LRP1B: variants seen among roughly 807,000 people sequenced by gnomAD.
LRP1B encodes the protein LDL receptor related protein 1B, also known as low-density lipoprotein receptor-related protein 1B.
Under a neutral mutation model 556.6 loss-of-function variants are expected in LRP1B, and 217 were observed. The observed-to-expected ratio is 0.39, with a 90% CI of 0.35 to 0.44. The LOEUF is 0.44. LRP1B is among the 20% of genes least tolerant of loss of function. The probability of loss-of-function intolerance (pLI) is 1.00; values close to 1 mark genes in which losing one functional copy is unlikely to be tolerated. For missense variants in LRP1B, 5,053 were observed against 5,620.8 expected, an observed-to-expected ratio of 0.90 and a Z score of 3.23; for synonymous variants, 2,047 against 1,865.8, an observed-to-expected ratio of 1.10 and a Z score of -2.50.
chr2:141,474,282 C>G (rs939966677), intron 3 of LRP1B, among the ~76,000 whole-genome samples: 6 of 152,000 alleles, frequency 3.9e-5, no homozygotes, highest in African/African-American at 1.4e-4. Context: ...ATTTGGAATA[C>G]ATATAAGATT....
chr2:141,976,621 T>C (rs1051141214), intron 1 of LRP1B, among the ~76,000 whole-genome samples: 1 of 152,110 alleles, frequency 6.6e-6, no homozygotes, highest in Admixed American at 6.6e-5. Context: ...GTTAAGAATA[T>C]AGTGATTCCC....
chr2:141,114,331 G>C (rs964403742), intron 7 of LRP1B, among the ~76,000 whole-genome samples: 3 of 152,310 alleles, frequency 2.0e-5, no homozygotes, highest in African/African-American at 7.2e-5. Flanking sequence ...TGCTCTCTTG[G>C]TACCCAGGTC....
rs375143915 is a variant in LRP1B, at chr2:140,804,283, A to G, written c.5359+9374T>C. Among the ~76,000 whole-genome samples the G allele has an allele frequency of 2.2e-4, 33 of 152,300 alleles. No individual in the cohort carries two copies. The East Asian group carries it at 5.0e-3, about 23-fold the overall frequency. ...GTTTCAGGATAACAAGATTAAATGC[A>G]TCAATCCCAGAACCTGTCATTTGCC... On this transcript the variant is annotated intron_variant, in intron 32 of 90. Transcript: ENST00000389484.
intron 29 of LRP1B, among the ~76,000 whole-genome samples, chr2:140,847,197 C>T (rs539442243): frequency 1.6e-4 from 25 of 152,184 alleles, no homozygotes; most frequent in Admixed American, 3.3e-4. Context: ...GTTCACTGCT[C>T]ATCTACTCCC....
chr2:141,095,654 T>C (rs1192556695), intron 7 of LRP1B, among the ~76,000 whole-genome samples: 1 of 152,048 alleles, frequency 6.6e-6, no homozygotes, highest in Non-Finnish European at 1.5e-5. Flanking sequence ...TTTTTTTATA[T>C]ATATCCTAGT....
At chr2:140,796,122 T>A in intron 32 of LRP1B, among the ~76,000 whole-genome samples, 1 of 152,166 alleles carries the variant, frequency 6.6e-6, no homozygotes, top group Non-Finnish European at 1.5e-5. Context: ...TTCGTTCATT[T>A]TTAAATAATA....
At chr2:141,883,112 T>C (rs1166230534) in intron 1 of LRP1B, among the ~76,000 whole-genome samples, 7 of 152,272 alleles carry the variant, frequency 4.6e-5, no homozygotes, top group Admixed American at 2.6e-4. Context: ...TATTACTAGA[T>C]TTATGATACT....
At chr2:142,089,295 G>A (rs1231245986) in intron 1 of LRP1B, among the ~76,000 whole-genome samples, 1 of 152,010 alleles carries the variant, frequency 6.6e-6, no homozygotes, top group Non-Finnish European at 1.5e-5. Context: ...TAAAACACGG[G>A]CTACCCTCAA....
chr2:141,287,537 T>G (rs932106042), intron 3 of LRP1B, among the ~76,000 whole-genome samples: 1 of 152,126 alleles, frequency 6.6e-6, no homozygotes, highest in African/African-American at 2.4e-5. Context: ...CTCTAAGCAA[T>G]ACTTTATCTA....
In LRP1B at chr2:140,428,525, A is replaced by T. The variant is rs902821434; in HGVS notation, c.10414+13979T>A. On this transcript the variant is annotated intron_variant, in intron 66 of 90. Transcript: ENST00000389484. ...CACTGAAAATCGGACTGTTCAACTCACCTGGCAGCCACTCCCAGAGGCCCT... is the reference window on the plus strand; with the variant it reads ...CACTGAAAATCGGACTGTTCAACTCTCCTGGCAGCCACTCCCAGAGGCCCT... Among the ~76,000 whole-genome samples the T allele has an allele frequency of 5.9e-5, 9 of 152,086 alleles. No homozygotes were observed. In the East Asian group the frequency reaches 1.4e-3, roughly 23 times the overall value.
rs188404271 is a variant in LRP1B, at chr2:140,515,822, T to C, written c.8150-1050A>G. On this transcript the variant is annotated intron_variant, in intron 50 of 90. Coordinates refer to ENST00000389484, the MANE Select transcript of LRP1B (RefSeq NM_018557.3). Reference sequence around the variant, plus strand: ...GCATCTTAGTAAAATAAAATGCACCTTCACATTTCATGATGACATTTACTT... The same window carrying C: ...GCATCTTAGTAAAATAAAATGCACCCTCACATTTCATGATGACATTTACTT... Among the ~76,000 whole-genome samples the C allele has an allele frequency of 5.7e-3, 869 of 152,216 alleles. 11 individuals carry two copies. Among genetic ancestry groups the C allele is most frequent in the African/African-American group, 0.02 (818 of 41,580 alleles).
chr2:140,321,125 ATTTTCCCC>A (rs1680094630), intron 82 of LRP1B, among the ~76,000 whole-genome samples: 1 of 151,888 alleles, frequency 6.6e-6, no homozygotes, highest in South Asian at 2.1e-4. Context: ...TAGTAACAAT[ATTTTCCCC>A]ATTATACCTA....
chr2:140,442,011 T>C (rs1686448714), intron 66 of LRP1B, among the ~76,000 whole-genome samples: 1 of 152,190 alleles, frequency 6.6e-6, no homozygotes, highest in Non-Finnish European at 1.5e-5. Context: ...CAAAAGCAAA[T>C]GCTGACTGAA....
At chr2:141,171,215 C>T (rs1018230032) in intron 7 of LRP1B, among the ~76,000 whole-genome samples, 2 of 152,030 alleles carry the variant, frequency 1.3e-5, no homozygotes, top group African/African-American at 4.8e-5. Context: ...GATTACATTG[C>T]TTCACTCTTT....
intron 6 of LRP1B, among the ~76,000 whole-genome samples, chr2:141,219,811 C>T (rs888240447): frequency 2.0e-5 from 3 of 152,100 alleles, no homozygotes; most frequent in East Asian, 1.9e-4. Flanking sequence ...ATTGGGTCTG[C>T]AGTTGTCCCC....
intron 12 of LRP1B, among the ~76,000 whole-genome samples, chr2:141,016,822 A>C (rs1191103594): frequency 6.6e-6 from 1 of 152,046 alleles, no homozygotes; most frequent in African/African-American, 2.4e-5. Flanking sequence ...AATCTTTGCT[A>C]AGCTGCTGAC....
chr2:140,645,826 T>A (rs566833746), intron 41 of LRP1B, among the ~76,000 whole-genome samples: 1 of 152,010 alleles, frequency 6.6e-6, no homozygotes, highest in East Asian at 1.9e-4. Flanking sequence ...GCGTGAGCCA[T>A]CGCACCGGGC....
chr2:140,367,879 T>C (rs955891285), intron 71 of LRP1B, among the ~76,000 whole-genome samples: 3 of 151,846 alleles, frequency 2.0e-5, no homozygotes, highest in Non-Finnish European at 4.4e-5. Flanking sequence ...ATCATATACA[T>C]CAGTCTTGTT....
chr2:141,909,059 A>C (rs978494884), intron 1 of LRP1B, among the ~76,000 whole-genome samples: 2 of 152,076 alleles, frequency 1.3e-5, no homozygotes, highest in Admixed American at 1.3e-4. Flanking sequence ...ATTATTATGG[A>C]GACTTCACTG....
Sources: gnomAD v4.1 joint callset for allele counts (sites outside exome capture counted in the v4.1 genomes callset) on GRCh38, gnomAD v4.1.1 for gene constraint, MANE v1.5 for transcripts, NCBI Gene and HGNC (gene_info 2026-07-23, HGNC 2026-07-21) for gene names.